IFT140: variants seen among roughly 807,000 people sequenced by gnomAD.
The protein encoded by IFT140 is intraflagellar transport protein 140 homolog.
Under a neutral mutation model 164.6 loss-of-function variants are expected in IFT140, and 133 were observed. The observed-to-expected ratio is 0.81, with a 90% CI of 0.70 to 0.93. The LOEUF (loss-of-function observed/expected upper bound fraction) is 0.93. Among genes scored for constraint, IFT140 ranks in the 40% least tolerant of loss-of-function variants. The probability of loss-of-function intolerance (pLI) is 0.00; values close to 1 mark genes in which losing one functional copy is unlikely to be tolerated. For synonymous variants in IFT140, 860 were observed against 817.3 expected (o/e 1.05, Z -0.89); for missense variants, 2,045 against 1,972.3 (o/e 1.04, Z -0.70).
At chr16:1,601,670 A>G (rs1428323614) in intron 4 of IFT140, among the ~76,000 whole-genome samples, 1 of 152,058 alleles carries the variant, frequency 6.6e-6, no homozygotes, top group Non-Finnish European at 1.5e-5. Flanking sequence ...TTCAAATCTC[A>G]AGTGAGAGAA....
At chr16:1,552,812 TA>T in intron 19 of IFT140, 1 of 222,892 alleles carries the variant, frequency 4.5e-6, no homozygotes, top group Non-Finnish European at 7.5e-6. Context: ...CACACCTCAC[TA>T]ATTTTTTTTT....
intron 8 of IFT140, among the ~76,000 whole-genome samples, 179 bp from the exon 9 acceptor site, chr16:1,587,483 T>G: frequency 6.6e-6 from 1 of 152,136 alleles, no homozygotes; most frequent in East Asian, 1.9e-4. Context: ...CTGTTTCTAA[T>G]GAAAGAAAGC....
intron 19 of IFT140, among the ~76,000 whole-genome samples, chr16:1,535,237 G>A (rs951309914): frequency 6.6e-6 from 1 of 152,140 alleles, no homozygotes; most frequent in African/African-American, 2.4e-5. Flanking sequence ...AGGACGCTCG[G>A]AAGGGGACAG....
intron 16 of IFT140, among the ~76,000 whole-genome samples, chr16:1,565,686 A>C (rs2141562985): frequency 6.6e-6 from 1 of 152,360 alleles, no homozygotes; most frequent in East Asian, 1.9e-4. Flanking sequence ...CACTTTGTGC[A>C]GAATCAGCCA....
chr16:1,528,471 GCA>G (rs1269411003), intron 19 of IFT140, among the ~76,000 whole-genome samples: 8 of 149,754 alleles, frequency 5.3e-5, no homozygotes, highest in African/African-American at 1.5e-4. Context: ...ACACATGGAT[GCA>G]CACACAAGCA....
intron 10 of IFT140, among the ~76,000 whole-genome samples, chr16:1,585,851 A>T (rs1053226825): frequency 2.0e-5 from 3 of 150,680 alleles, no homozygotes; most frequent in African/African-American, 7.4e-5. Flanking sequence ...GCTCACTGCA[A>T]GCTCCAGCTC....
At chr16:1,568,651 G>T (rs1452108598) in intron 14 of IFT140, among the ~76,000 whole-genome samples, 1 of 152,114 alleles carries the variant, frequency 6.6e-6, no homozygotes, top group Non-Finnish European at 1.5e-5. Context: ...GGAGGGTGAG[G>T]CAGGCAGATT....
intron 4 of IFT140, among the ~76,000 whole-genome samples, chr16:1,595,356 G>A (rs982948833): frequency 7.2e-5 from 11 of 152,014 alleles, no homozygotes; most frequent in Non-Finnish European, 1.3e-4. Flanking sequence ...GGTGGCTCAC[G>A]CCTCTCATCC....
Position 1,571,448 on chromosome 16 carries a change from C to T in IFT140, c.1611G>A (p.Gly537=), listed in dbSNP as rs745415176. The T allele has an allele frequency of 6.2e-7, 1 of 1,614,180 alleles. No homozygotes were observed. Among genetic ancestry groups the T allele is most frequent in the South Asian group, 1.1e-5 (1 of 91,078 alleles). Residue 537 remains glycine (G), a synonymous_variant, in exon 14 of 31, where the codon GGG becomes GGA. Transcript: ENST00000426508. The part of the protein sequence containing the change: ...LDICGNFLVV[G]TDLAHFKSFD... ...AGCTTTTAAAGTGAGCCAAGTCTGT[C>T]CCTACAACCAGGAAATTCCCACAGA...
intron 13 of IFT140, 199 bp downstream of exon 13, chr16:1,580,560 A>C (rs2141746644): frequency 4.1e-6 from 2 of 490,126 alleles, no homozygotes; most frequent in Non-Finnish European, 7.3e-6. Context: ...CTCCGCAGTC[A>C]TGCTTCCTGT....
chr16:1,581,214 C>T (rs1051046680), intron 12 of IFT140, among the ~76,000 whole-genome samples: 3 of 152,188 alleles, frequency 2.0e-5, no homozygotes, highest in African/African-American at 7.2e-5. Flanking sequence ...ACTCTGGTGG[C>T]CACAAGCCCT....
At chr16:1,525,414 G>T (rs1257660150) in intron 21 of IFT140, 88 bp from the exon 22 acceptor site, 17 of 980,716 alleles carry the variant, frequency 1.7e-5, no homozygotes, top group Non-Finnish European at 2.6e-5. Context: ...TCGGTGAAAC[G>T]CATCAGAGCG....
At chr16:1,541,360 T>C in intron 19 of IFT140, 1 of 985,402 alleles carries the variant, frequency 1.0e-6, no homozygotes, top group African/African-American at 1.7e-5. Flanking sequence ...GGGGCCCAGA[T>C]GAGCTGCTTC....
At chr16:1,511,284 T>C in intron 30 of IFT140, 134 bp from the exon 31 acceptor site, 1 of 780,730 alleles carries the variant, frequency 1.3e-6, no homozygotes, top group East Asian at 2.7e-5. Flanking sequence ...CGGGGTGCAC[T>C]GAGGCTTCCC....
chr16:1,523,425 C>T (rs2040581110), intron 26 of IFT140, 93 bp downstream of exon 26: 34 of 1,391,100 alleles, frequency 2.4e-5, no homozygotes, highest in Admixed American at 9.6e-5. Context: ...AACTCATAAC[C>T]AAGCAAGCAG....
rs1212576133 is a variant in IFT140, at chr16:1,553,268, GTCTCTGTCTC to G, written c.2399+4657_2399+4666del. On this transcript the variant is annotated intron_variant, in intron 19 of 30. Coordinates refer to ENST00000426508, the MANE Select transcript of IFT140 (RefSeq NM_014714.4). The surrounding 1 kb of genome is among the most constrained non-coding windows in gnomAD (Gnocchi z 4.4). ...TCTCTGTCTCTCTGTATCTCTCTTG[GTCTCTGTCTC>G]TCTGTGTCTCTGCCTGTCTCTCTGT... The G allele has an allele frequency of 7.2e-6, 7 of 977,560 alleles. No homozygotes were observed. The highest frequency in any genetic ancestry group is 1.2e-6 in the Non-Finnish European group (1 of 823,380). 60.6% of individuals were successfully genotyped at this position (977,560 alleles called of 1,614,324 possible). A position where few individuals can be genotyped will look rare whatever the true frequency, so the allele number is the denominator to read the frequency against.
chr16:1,581,611 T>G (rs534816379), intron 12 of IFT140, among the ~76,000 whole-genome samples: 26 of 150,432 alleles, frequency 1.7e-4, no homozygotes, highest in African/African-American at 5.6e-4. Context: ...AAGAATCTAG[T>G]TAGGGAGATG....
intron 19 of IFT140, among the ~76,000 whole-genome samples, chr16:1,536,294 C>G (rs2031065542): frequency 3.3e-5 from 5 of 152,196 alleles, no homozygotes; most frequent in Admixed American, 3.3e-4. Context: ...ACCTATGCAT[C>G]CGTCCCAGGC....
intron 25 of IFT140, 40 bp downstream of exon 25, chr16:1,523,788 C>A (rs1464155240): frequency 1.2e-6 from 2 of 1,607,012 alleles, no homozygotes; most frequent in African/African-American, 2.7e-5. Flanking sequence ...CCCTGGCTTG[C>A]TGCCCCTCCC....
Sources: allele counts gnomAD v4.1 joint callset (sites outside exome capture counted in the v4.1 genomes callset), GRCh38; gene constraint gnomAD v4.1.1; non-coding constraint Gnocchi (gnomAD v3.1); transcripts MANE v1.5; gene names NCBI Gene and HGNC (gene_info 2026-07-23, HGNC 2026-07-21).